The following CTNND2 variants were observed in gnomAD, a reference collection of about 807,000 sequenced individuals.
CTNND2 encodes catenin delta 2.
In CTNND2, 22 loss-of-function variants were observed where a neutral mutation model predicts 144.4. That is an observed-to-expected ratio of 0.15 (90% CI 0.11 to 0.22). CTNND2 has a LOEUF of 0.22. Ranked by LOEUF, CTNND2 falls within the 10% of genes least tolerant of loss-of-function variation. The pLI is 1.00. For missense variants in CTNND2, 1,353 were observed against 1,618.8 expected, an observed-to-expected ratio of 0.84 and a Z score of 2.82; for synonymous variants, 751 against 695.6, an observed-to-expected ratio of 1.08 and a Z score of -1.25.
At chr5:11,065,901 C>A (rs190326450) in intron 16 of CTNND2, among the ~76,000 whole-genome samples, 144 of 152,268 alleles carry the variant, frequency 9.5e-4, no homozygotes, top group Non-Finnish European at 1.8e-3. Context: ...ATCTTTTTAT[C>A]GCAGGCCCTC....
At chr5:11,484,316 C>T (rs1023594063) in intron 3 of CTNND2, among the ~76,000 whole-genome samples, 13 of 152,128 alleles carry the variant, frequency 8.5e-5, no homozygotes, top group African/African-American at 1.7e-4. Context: ...AATTTGGCTC[C>T]GAATCTGCCC....
intron 2 of CTNND2, among the ~76,000 whole-genome samples, chr5:11,570,902 C>G (rs1358656242): frequency 6.6e-6 from 1 of 152,082 alleles, no homozygotes; most frequent in Non-Finnish European, 1.5e-5. Flanking sequence ...ATCTAGTCCT[C>G]AAGGTTTCTT....
intron 20 of CTNND2, among the ~76,000 whole-genome samples, chr5:10,982,869 A>T (rs1737463259): frequency 6.6e-6 from 1 of 152,214 alleles, no homozygotes; most frequent in African/African-American, 2.4e-5. Flanking sequence ...ACTGGAGGTG[A>T]TTTATGTTAA....
chr5:11,455,628 C>G (rs915935077), intron 3 of CTNND2, among the ~76,000 whole-genome samples: 3 of 152,220 alleles, frequency 2.0e-5, no homozygotes, highest in African/African-American at 7.2e-5. Context: ...CCTCCTCCTT[C>G]CTCCCTTCTG....
In CTNND2 at chr5:10,988,188, T is replaced by C. The variant is rs1738254056; in HGVS notation, c.3266A>G (p.Asp1089Gly). ...GGCGTTGCTGCCGGTGCACTCGTAG[T>C]CTGTTTTCCTTTCTTTGAGGCTGAT... ...EMISLKERKT[D>G]YECTGSNATY... is the part of the protein sequence containing the mutation. The change falls in exon 20 of 22, where the codon GAC becomes GGC. Residue 1089 changes from aspartate to glycine, a missense_variant. This residue lies in a region of CTNND2 where 459 missense variants were observed against 674.3 expected (regional missense o/e 0.68). Coordinates refer to ENST00000304623, the MANE Select transcript of CTNND2 (RefSeq NM_001332.4). This position sits in a 1 kb window ranked among gnomAD's most constrained non-coding sequence, Gnocchi z 5.9. 6.2e-7 allele frequency: 1 copy of C among 1,614,220 alleles called. No individual in the cohort carries two copies. The highest frequency in any genetic ancestry group is 8.5e-7 in the Non-Finnish European group (1 of 1,180,050).
chr5:11,185,512 C>T (rs953338470), intron 11 of CTNND2, among the ~76,000 whole-genome samples: 18 of 152,206 alleles, frequency 1.2e-4, no homozygotes, highest in African/African-American at 4.3e-4. Flanking sequence ...TTTTAGGAAA[C>T]CACTTCACAG....
At chr5:11,290,038 A>G (rs559157139) in intron 9 of CTNND2, among the ~76,000 whole-genome samples, 69 of 152,344 alleles carry the variant, frequency 4.5e-4, no homozygotes, top group South Asian at 1.2e-3. Context: ...GATCGAGTAT[A>G]GAGCAACACA....
At chr5:11,169,755 C>T (rs758473007) in intron 11 of CTNND2, among the ~76,000 whole-genome samples, 20 of 152,122 alleles carry the variant, frequency 1.3e-4, no homozygotes, top group South Asian at 2.1e-4. Flanking sequence ...AATTCGTGGA[C>T]GCTTGCTTAT....
At chr5:11,292,234 A>G (rs1265369329) in intron 9 of CTNND2, among the ~76,000 whole-genome samples, 1 of 152,198 alleles carries the variant, frequency 6.6e-6, no homozygotes, top group Non-Finnish European at 1.5e-5. Flanking sequence ...CATAAATTGA[A>G]GTTCTAGTGC....
At chr5:11,788,915 G>A (rs1790989016) in intron 1 of CTNND2, among the ~76,000 whole-genome samples, 1 of 148,604 alleles carries the variant, frequency 6.7e-6, no homozygotes, top group Admixed American at 6.9e-5. Flanking sequence ...ACCTATGAAT[G>A]AGAACATGCA....
chr5:11,664,477 A>T (rs1783447734), intron 2 of CTNND2, among the ~76,000 whole-genome samples: 1 of 152,134 alleles, frequency 6.6e-6, no homozygotes, highest in Non-Finnish European at 1.5e-5. Context: ...TGTAATCCCA[A>T]CTACTCAGCA....
At chr5:11,542,463 C>A (rs949662534) in intron 3 of CTNND2, among the ~76,000 whole-genome samples, 1 of 152,074 alleles carries the variant, frequency 6.6e-6, no homozygotes, top group African/African-American at 2.4e-5. Context: ...TGATATATAG[C>A]AGCCAGTAAT....
chr5:11,008,925 A>G (rs1401397714), intron 18 of CTNND2, among the ~76,000 whole-genome samples: 2 of 152,194 alleles, frequency 1.3e-5, no homozygotes, highest in Admixed American at 6.5e-5. Flanking sequence ...TAGCGGGGCA[A>G]TACAGAGATT....
intron 3 of CTNND2, among the ~76,000 whole-genome samples, chr5:11,546,405 A>G (rs1775238367): frequency 6.6e-6 from 1 of 152,112 alleles, no homozygotes; most frequent in Non-Finnish European, 1.5e-5. Context: ...ACAAAAAGAC[A>G]AAACAAAACA....
intron 2 of CTNND2, among the ~76,000 whole-genome samples, chr5:11,689,136 G>A (rs1784784350): frequency 6.6e-6 from 1 of 152,160 alleles, no homozygotes; most frequent in South Asian, 2.1e-4. Flanking sequence ...TAGGGCAGCT[G>A]TAGCACCAAT....
At chr5:11,868,940 T>C (rs1041920117) in intron 1 of CTNND2, among the ~76,000 whole-genome samples, 2 of 152,142 alleles carry the variant, frequency 1.3e-5, no homozygotes, top group African/African-American at 4.8e-5. Flanking sequence ...TTTTTGGTTA[T>C]AAGCAACCGA....
chr5:11,857,459 C>A (rs918009038), intron 1 of CTNND2, among the ~76,000 whole-genome samples: 1 of 152,128 alleles, frequency 6.6e-6, no homozygotes, highest in Non-Finnish European at 1.5e-5. Flanking sequence ...CCCTCCTGCA[C>A]GAGAGCCGGA....
intron 11 of CTNND2, among the ~76,000 whole-genome samples, chr5:11,196,918 C>T (rs61751791): frequency 0.06 from 9,114 of 152,258 alleles, 355 homozygotes; most frequent in Admixed American, 0.11. Context: ...TTTAGGTTTG[C>T]TTTGTGCAGT....
chr5:11,593,430 T>C (rs1779356581), intron 2 of CTNND2, among the ~76,000 whole-genome samples: 1 of 152,174 alleles, frequency 6.6e-6, no homozygotes, highest in Non-Finnish European at 1.5e-5. Flanking sequence ...ACATGACCCA[T>C]GTGGCCAATA....
Sources: gnomAD v4.1 joint callset for allele counts (sites outside exome capture counted in the v4.1 genomes callset) on GRCh38, gnomAD v4.1.1 for gene constraint, gnomAD v4.1.1 regional missense constraint, Gnocchi (gnomAD v3.1) non-coding constraint, MANE v1.5 for transcripts, NCBI Gene and HGNC (gene_info 2026-07-23, HGNC 2026-07-21) for gene names.